The following PTPRZ1 variants were observed in gnomAD, a reference collection of about 807,000 sequenced individuals.
PTPRZ1 encodes protein tyrosine phosphatase receptor type Z1, also known as receptor-type tyrosine-protein phosphatase zeta.
A neutral mutation model predicts 214.1 loss-of-function variants in PTPRZ1; 82 were observed. That is an observed-to-expected ratio of 0.38 (90% CI 0.32 to 0.46). PTPRZ1 has a LOEUF of 0.46. Ranked by LOEUF, PTPRZ1 falls within the 20% of genes least tolerant of loss-of-function variation. PTPRZ1 has a pLI of 1.00. For missense variants in PTPRZ1, 2,603 were observed against 2,748.7 expected, an observed-to-expected ratio of 0.95 and a Z score of 1.19; for synonymous variants, 945 against 987.9, an observed-to-expected ratio of 0.96 and a Z score of 0.81.
At chr7:121,983,209 G>A (rs1387235640) in intron 6 of PTPRZ1, among the ~76,000 whole-genome samples, 4 of 152,114 alleles carry the variant, frequency 2.6e-5, no homozygotes, top group Non-Finnish European at 5.9e-5. Context: ...TTAAATAGAA[G>A]TGGTGATGGC....
chr7:121,883,137 T>C (rs964461491), intron 1 of PTPRZ1, among the ~76,000 whole-genome samples: 1 of 152,208 alleles, frequency 6.6e-6, no homozygotes, highest in Admixed American at 6.5e-5. Flanking sequence ...GTGAAACTCT[T>C]AAATTTGTTA....
intron 1 of PTPRZ1, among the ~76,000 whole-genome samples, chr7:121,874,230 G>A (rs1396346704): frequency 1.3e-5 from 2 of 152,090 alleles, no homozygotes; most frequent in Non-Finnish European, 2.9e-5. Flanking sequence ...AGAGCTGCAG[G>A]TTGATATACT....
intron 13 of PTPRZ1, among the ~76,000 whole-genome samples, chr7:122,025,254 G>A (rs995021949): frequency 2.0e-5 from 3 of 150,518 alleles, no homozygotes; most frequent in Non-Finnish European, 4.4e-5. Context: ...AAATAATGTA[G>A]AATAATGTCC....
intron 1 of PTPRZ1, among the ~76,000 whole-genome samples, chr7:121,881,584 G>T (rs532949356): frequency 6.6e-6 from 1 of 152,186 alleles, no homozygotes; most frequent in Non-Finnish European, 1.5e-5. Context: ...GTCTTATGCT[G>T]TCCTAAAACA....
At chr7:122,002,211 T>C (rs997398664) in intron 10 of PTPRZ1, among the ~76,000 whole-genome samples, 4 of 152,182 alleles carry the variant, frequency 2.6e-5, no homozygotes, top group Non-Finnish European at 5.9e-5. Flanking sequence ...TTCTAAGAAA[T>C]AGAGGTATTG....
At chr7:121,954,362 T>G (rs914708514) in intron 2 of PTPRZ1, among the ~76,000 whole-genome samples, 1 of 152,220 alleles carries the variant, frequency 6.6e-6, no homozygotes, top group Non-Finnish European at 1.5e-5. Context: ...TGCCTTGCAT[T>G]CCATGTCTGA....
intron 1 of PTPRZ1, among the ~76,000 whole-genome samples, chr7:121,913,168 C>T (rs886954931): frequency 6.6e-6 from 1 of 151,908 alleles, no homozygotes; most frequent in African/African-American, 2.4e-5. Context: ...ATTAAGATAC[C>T]ATATGATGCA....
chr7:121,942,154 G>T (rs1345076873), intron 2 of PTPRZ1, among the ~76,000 whole-genome samples: 1 of 152,150 alleles, frequency 6.6e-6, no homozygotes, highest in Non-Finnish European at 1.5e-5. Flanking sequence ...GAACAATTGT[G>T]CAGGTAACCC....
intron 10 of PTPRZ1, among the ~76,000 whole-genome samples, chr7:121,999,770 A>T (rs557420110): frequency 6.6e-6 from 1 of 152,250 alleles, no homozygotes; most frequent in South Asian, 2.1e-4. Flanking sequence ...AAACAGATTA[A>T]ATATGTATTT....
At chr7:121,931,767 T>A (rs1313373361) in intron 2 of PTPRZ1, among the ~76,000 whole-genome samples, 1 of 152,186 alleles carries the variant, frequency 6.6e-6, no homozygotes, top group African/African-American at 2.4e-5. Flanking sequence ...ATAGAGTGGC[T>A]AGGCTTTGAC....
At position 121,959,341 on chromosome 7, in the gene PTPRZ1, A is replaced by C. The variant is rs142289102; in HGVS notation, c.125-8610A>C. ...TGACGAAACAGGTTCTCATTCTGAAATTGTTTGCATTTGATCTGCCTTTAT... is the reference window on the plus strand; with the variant it reads ...TGACGAAACAGGTTCTCATTCTGAACTTGTTTGCATTTGATCTGCCTTTAT... On this transcript the variant is annotated intron_variant, in intron 2 of 29. Transcript: ENST00000393386. Among the ~76,000 whole-genome samples the C allele has an allele frequency of 2.6e-5, 4 of 152,328 alleles. No individual in the cohort carries two copies. In the East Asian group the frequency reaches 5.8e-4, roughly 22 times the overall value.
intron 2 of PTPRZ1, among the ~76,000 whole-genome samples, chr7:121,933,766 G>A (rs1387250214): frequency 6.6e-6 from 1 of 152,040 alleles, no homozygotes. Flanking sequence ...ATTTCTTTTG[G>A]CCCAGGAGAA....
At chr7:122,038,239 C>T (rs537876849) in intron 18 of PTPRZ1, among the ~76,000 whole-genome samples, 58 of 152,130 alleles carry the variant, frequency 3.8e-4, no homozygotes, top group African/African-American at 1.2e-3. Flanking sequence ...CATATTATGC[C>T]CATAAAACAT....
At chr7:121,971,243 T>A (rs1310933905) in intron 3 of PTPRZ1, among the ~76,000 whole-genome samples, 2 of 152,174 alleles carry the variant, frequency 1.3e-5, no homozygotes, top group African/African-American at 4.8e-5. Context: ...TTTATAGAAA[T>A]CCCTGTTTTC....
At chr7:121,972,487 A>T in intron 3 of PTPRZ1, 54 bp from the exon 4 acceptor site, 1 of 1,465,322 alleles carries the variant, frequency 6.8e-7, no homozygotes, top group East Asian at 2.3e-5. Flanking sequence ...ATTTAGTTGA[A>T]ATTTAAAATT....
At chr7:121,960,316 C>T (rs1796837378) in intron 2 of PTPRZ1, among the ~76,000 whole-genome samples, 1 of 152,220 alleles carries the variant, frequency 6.6e-6, no homozygotes, top group Non-Finnish European at 1.5e-5. Context: ...GCTGGGATTA[C>T]AGGTGTGAGC....
At chr7:122,024,408 T>C (rs1295607543) in intron 13 of PTPRZ1, among the ~76,000 whole-genome samples, 3 of 152,028 alleles carry the variant, frequency 2.0e-5, no homozygotes, top group Non-Finnish European at 2.9e-5. Context: ...AAAAGCAATA[T>C]GAATTCTCTC....
At chr7:122,024,654 T>C (rs747384157) in intron 13 of PTPRZ1, among the ~76,000 whole-genome samples, 1 of 152,124 alleles carries the variant, frequency 6.6e-6, no homozygotes, top group African/African-American at 2.4e-5. Flanking sequence ...TTTAGGGAAA[T>C]TAATGCCAAA....
chr7:121,901,590 T>C (rs1180152698), intron 1 of PTPRZ1, among the ~76,000 whole-genome samples: 1 of 152,174 alleles, frequency 6.6e-6, no homozygotes, highest in African/African-American at 2.4e-5. Flanking sequence ...AGATTAGTGT[T>C]TTTAGAATGT....
Sources: gnomAD v4.1 joint callset for allele counts (sites outside exome capture counted in the v4.1 genomes callset) on GRCh38, gnomAD v4.1.1 for gene constraint, MANE v1.5 for transcripts, NCBI Gene and HGNC (gene_info 2026-07-23, HGNC 2026-07-21) for gene names.